TSPYL4: variants seen among roughly 807,000 people sequenced by gnomAD.
TSPYL4 encodes TSPY like 4.
TSPYL4 carries 22 observed loss-of-function variants against 24.2 expected under a neutral mutation model. That is an observed-to-expected ratio of 0.91 (90% CI 0.65 to 1.30). TSPYL4 has a LOEUF of 1.30. Ranked by LOEUF, TSPYL4 falls within the 50% of genes most tolerant of loss-of-function variation. TSPYL4 has a pLI of 0.00. For missense variants in TSPYL4, 569 were observed against 536.7 expected, an observed-to-expected ratio of 1.06 and a Z score of -0.60; for synonymous variants, 211 against 208.2, an observed-to-expected ratio of 1.01 and a Z score of -0.12.
Position 116,250,879 on chromosome 6 carries a change from A to C in TSPYL4, c.*1885T>G. ...TGGTGGATGGTCTTTATCACCACACATGATCATAACTAAGCCTTGACGGCA... is the reference window on the plus strand; with the variant it reads ...TGGTGGATGGTCTTTATCACCACACCTGATCATAACTAAGCCTTGACGGCA... On this transcript the variant is annotated 3_prime_UTR_variant, in exon 1 of 1. Transcript: ENST00000420283. 2 of 259,986 alleles carry C rather than the reference A, an allele frequency of 7.7e-6. No homozygotes were observed. The highest frequency in any genetic ancestry group is 1.4e-5 in the Non-Finnish European group (2 of 138,844). 16.1% of individuals were successfully genotyped at this position (259,986 alleles called of 1,614,324 possible).
rs1317152351 is a variant in TSPYL4 at position 116,252,200 on chromosome 6, C to A, written c.*564G>T. ...ATCAGATAACCAGTAGGGTGGATGG[C>A]ACAAGCCCAGGAAGGCAGCTGGGAT... On this transcript the variant is annotated 3_prime_UTR_variant, in exon 1 of 1. Coordinates refer to ENST00000420283, the MANE Select transcript of TSPYL4 (RefSeq NM_021648.5). The A allele has an allele frequency of 6.5e-6, 1 of 153,854 alleles. No homozygotes were observed. The highest frequency in any genetic ancestry group is 2.4e-5 in the African/African-American group (1 of 41,462). The allele number at this position is 153,854 out of a possible 1,614,324, so 9.5% of individuals were successfully genotyped here.
rs747429780 is a variant in TSPYL4 at position 116,252,746 on chromosome 6, C to A, written c.*18G>T. On this transcript the variant is annotated 3_prime_UTR_variant, in exon 1 of 1. Coordinates refer to ENST00000420283, the MANE Select transcript of TSPYL4 (RefSeq NM_021648.5). ...GGTGGTAAGGAAACTTGTGCAGAAGCTTCTCACAGGACAGAGATTAGCCAG... is the reference window on the plus strand; with the variant it reads ...GGTGGTAAGGAAACTTGTGCAGAAGATTCTCACAGGACAGAGATTAGCCAG... 4 of 1,557,370 alleles carry A rather than the reference C, an allele frequency of 2.6e-6. No individual in the cohort carries two copies. Among genetic ancestry groups the A allele is most frequent in the Admixed American group, 4.0e-5 (2 of 50,528 alleles).
In TSPYL4 at chr6:116,251,404, G is replaced by A. The variant is rs1417563737; in HGVS notation, c.*1360C>T. The stretch of plus-strand genomic sequence containing the variant: ...GTCAAAATCTGCCTAATTTAACACT[G>A]CCTATAACTAAACAATTAACCTATA... On this transcript the variant is annotated 3_prime_UTR_variant, in exon 1 of 1. Transcript: ENST00000420283. 7.6e-6 allele frequency: 3 copies of A among 395,590 alleles called. No homozygotes were observed. Among genetic ancestry groups the A allele is most frequent in the Non-Finnish European group, 1.3e-5 (3 of 224,758 alleles). The allele number at this position is 395,590 out of a possible 1,614,324, so 24.5% of individuals were successfully genotyped here. A position where few individuals can be genotyped will look rare whatever the true frequency, so the allele number is the denominator to read the frequency against.
At position 116,253,547 on chromosome 6, in the gene TSPYL4, AGTC is replaced by A. The variant is rs1334685881; in HGVS notation, c.459_461del (p.Thr154del). 6.4e-7 allele frequency: 1 copy of A among 1,551,350 alleles called. No homozygotes were observed. Among genetic ancestry groups the A allele is most frequent in the Admixed American group, 2.0e-5 (1 of 50,978 alleles). ...CTGCTGCCGAGATGGCGCGTTTTTT[AGTC>A]GTCACTTCCTTGGCCTTCTTCCCCG... On this transcript the variant is annotated inframe_deletion, in exon 1 of 1. Coordinates refer to ENST00000420283, the MANE Select transcript of TSPYL4 (RefSeq NM_021648.5). The surrounding 1 kb of genome is among the most constrained non-coding windows in gnomAD (Gnocchi z 4.3).
Position 116,253,909 on chromosome 6 carries a change from G to A in TSPYL4, c.100C>T (p.Gln34Ter), listed in dbSNP as rs1479744858. ...ASGDPDRDQC[Q>*]GLREETEATQ... ...GCCTCGGTTTCTTCACGGAGCCCTTGGCACTGGTCTCGGTCCGGATCTCCT... is the reference window on the plus strand; with the variant it reads ...GCCTCGGTTTCTTCACGGAGCCCTTAGCACTGGTCTCGGTCCGGATCTCCT... The change falls in exon 1 of 1, where the codon CAA becomes TAA. Residue 34 changes from glutamine to a stop codon, truncating the protein, a stop_gained. Transcript: ENST00000420283. LOFTEE classifies it low-confidence loss of function (END_TRUNC). The surrounding 1 kb of genome is among the most constrained non-coding windows in gnomAD (Gnocchi z 4.3). 1.9e-6 allele frequency: 3 copies of A among 1,613,872 alleles called. No individual in the cohort carries two copies. The highest frequency in any genetic ancestry group is 4.5e-5 in the East Asian group (2 of 44,872).
Position 116,253,459 on chromosome 6 carries a change from T to G in TSPYL4, c.550A>C (p.Lys184Gln). The change falls in exon 1 of 1, where the codon AAG (lysine) becomes CAG (glutamine). Residue 184 changes from lysine to glutamine, a missense_variant. Transcript: ENST00000420283. This position sits in a 1 kb window ranked among gnomAD's most constrained non-coding sequence, Gnocchi z 4.3. Reference sequence around the variant, plus strand: ...TCCTCTTTCACCCCTCCTGCCACCTTTTTTTCCTTCTGCACTACCTTCTTT... The same window carrying G: ...TCCTCTTTCACCCCTCCTGCCACCTGTTTTTCCTTCTGCACTACCTTCTTT... ...EEKKVVQKEK[K>Q]VAGGVKEETR... The G allele has an allele frequency of 6.4e-7, 1 of 1,551,660 alleles. No individual in the cohort carries two copies. The highest frequency in any genetic ancestry group is 2.4e-5 in the East Asian group (1 of 40,902).
chr6:116,250,007 G>A lies in TSPYL4; in HGVS notation c.*2757C>T, dbSNP rs1418934307. 6.6e-6 allele frequency: 1 copy of A among 151,922 alleles called. No individual in the cohort carries two copies. The highest frequency in any genetic ancestry group is 1.5e-5 in the Non-Finnish European group (1 of 67,994). 9.4% of individuals were successfully genotyped at this position (151,922 alleles called of 1,614,324 possible). On this transcript the variant is annotated 3_prime_UTR_variant, in exon 1 of 1. Transcript: ENST00000420283. ...TTTTTTGATGAAAACAAGAAATACG[G>A]TAGTGACACTTTATTTTTCCTTCAA...
In TSPYL4 at chr6:116,251,403, T is replaced by C; in HGVS notation, c.*1361A>G. On this transcript the variant is annotated 3_prime_UTR_variant, in exon 1 of 1. Coordinates refer to ENST00000420283, the MANE Select transcript of TSPYL4 (RefSeq NM_021648.5). Reference sequence around the variant, plus strand: ...TGTCAAAATCTGCCTAATTTAACACTGCCTATAACTAAACAATTAACCTAT... The same window carrying C: ...TGTCAAAATCTGCCTAATTTAACACCGCCTATAACTAAACAATTAACCTAT... 1 of 395,850 alleles carries C rather than the reference T, an allele frequency of 2.5e-6. No individual in the cohort carries two copies. Among genetic ancestry groups the C allele is most frequent in the East Asian group, 3.6e-5 (1 of 27,962 alleles). The allele number at this position is 395,850 out of a possible 1,614,324, so 24.5% of individuals were successfully genotyped here.
rs750628997 is a variant in TSPYL4, at chr6:116,252,976, T to G, written c.1033A>C (p.Asn345His). Residue 345 changes from asparagine (N) to histidine (H), a missense_variant, in exon 1 of 1, where the codon AAC (asparagine) becomes CAC (histidine). Transcript: ENST00000420283. ...GQDPQAHIHR[N>H]REGNTIPSFF... ...CTAGGGATAGTGTTCCCTTCCCGGT[T>G]TCTGTGGATATGAGCCTGGGGGTCT... The G allele has an allele frequency of 6.2e-7, 1 of 1,614,150 alleles. No homozygotes were observed. The highest frequency in any genetic ancestry group is 1.7e-5 in the Admixed American group (1 of 60,020).
rs1442415924 is a variant in TSPYL4 at position 116,249,996 on chromosome 6, CAA to C, written c.*2766_*2767del. ...AATTATTTTTATTTTTTGATGAAAA[CAA>C]GAAATACGGTAGTGACACTTTATTT... On this transcript the variant is annotated 3_prime_UTR_variant, in exon 1 of 1. Transcript: ENST00000420283. The C allele has an allele frequency of 1.3e-5, 2 of 151,312 alleles. No homozygotes were observed. Among genetic ancestry groups the C allele is most frequent in the African/African-American group, 4.9e-5 (2 of 41,136 alleles). 9.4% of individuals were successfully genotyped at this position (151,312 alleles called of 1,614,324 possible). A position where few individuals can be genotyped will look rare whatever the true frequency, so the allele number is the denominator to read the frequency against.
In TSPYL4 at chr6:116,254,042, G is replaced by A. The variant is rs912693090; in HGVS notation, c.-34C>T. On this transcript the variant is annotated 5_prime_UTR_variant, in exon 1 of 1. Transcript: ENST00000420283. ...AAGTCAGACTAGTGGGAGAGGGAGA[G>A]TTCCTTGTCCTCCGCAGCGGCCGAG... 6.5e-7 allele frequency: 1 copy of A among 1,534,018 alleles called. No homozygotes were observed. Among genetic ancestry groups the A allele is most frequent in the African/African-American group, 1.4e-5 (1 of 72,258 alleles).
Position 116,253,617 on chromosome 6 carries a change from A to G in TSPYL4, c.392T>C (p.Leu131Pro). 6.4e-7 allele frequency: 1 copy of G among 1,553,404 alleles called. No individual in the cohort carries two copies. Among genetic ancestry groups the G allele is most frequent in the Non-Finnish European group, 8.7e-7 (1 of 1,147,632 alleles). Residue 131 changes from leucine to proline, a missense_variant, in exon 1 of 1, where the codon CTA (leucine) becomes CCA (proline). Leu to Pro is a moderately conservative substitution (Grantham distance 98). Transcript: ENST00000420283. This position sits in a 1 kb window ranked among gnomAD's most constrained non-coding sequence, Gnocchi z 4.3. Reference protein sequence around the residue: ...EPRGPAGQKALEACGAGGLGS... With the variant: ...EPRGPAGQKAPEACGAGGLGS... ...CAAGCCCCCTGCGCCACAGGCTTCT[A>G]GAGCCTTCTGCCCAGCAGGGCCACG...
At position 116,253,320 on chromosome 6, in the gene TSPYL4, C is replaced by G. The variant is rs1424718594; in HGVS notation, c.689G>C (p.Arg230Pro). The G allele has an allele frequency of 4.4e-6, 7 of 1,579,418 alleles. No homozygotes were observed. Among genetic ancestry groups the G allele is most frequent in the African/African-American group, 2.7e-5 (2 of 74,306 alleles). The change falls in exon 1 of 1, where the codon CGC becomes CCC. Residue 230 changes from arginine to proline, a missense_variant. Physicochemically the swap from Arg to Pro is moderately radical, Grantham distance 103 (BLOSUM62 -2). Transcript: ENST00000420283. This position sits in a 1 kb window ranked among gnomAD's most constrained non-coding sequence, Gnocchi z 4.3. ...QADRAFLQLE[R>P]KFGRMRRLHM... ...GAGCCTTCGCATGCGGCCAAACTTGCGCTCAAGCTGAAGGAAGGCCCTGTC... is the reference window on the plus strand; with the variant it reads ...GAGCCTTCGCATGCGGCCAAACTTGGGCTCAAGCTGAAGGAAGGCCCTGTC...
In TSPYL4 at chr6:116,253,638, C is replaced by T. The variant is rs1330111624; in HGVS notation, c.371G>A (p.Gly124Asp). The T allele has an allele frequency of 1.9e-6, 3 of 1,553,938 alleles. No homozygotes were observed. Among genetic ancestry groups the T allele is most frequent in the East Asian group, 2.4e-5 (1 of 41,270 alleles). Residue 124 changes from glycine to aspartate, a missense_variant, in exon 1 of 1, where the codon GGC becomes GAC. Physicochemically the swap from Gly to Asp is moderately conservative, Grantham distance 94. Coordinates refer to ENST00000420283, the MANE Select transcript of TSPYL4 (RefSeq NM_021648.5). This position sits in a 1 kb window ranked among gnomAD's most constrained non-coding sequence, Gnocchi z 4.3. ...KNGCQLGEPR[G>D]PAGQKALEAC... Reference sequence around the variant, plus strand: ...TTCTAGAGCCTTCTGCCCAGCAGGGCCACGGGGCTCTCCAAGCTGACAGCC... The same window carrying T: ...TTCTAGAGCCTTCTGCCCAGCAGGGTCACGGGGCTCTCCAAGCTGACAGCC...
Position 116,253,945 on chromosome 6 carries a change from C to A in TSPYL4, c.64G>T (p.Asp22Tyr). The change falls in exon 1 of 1, where the codon GAC becomes TAC. Residue 22 changes from aspartate to tyrosine, a missense_variant. Transcript: ENST00000420283. This position sits in a 1 kb window ranked among gnomAD's most constrained non-coding sequence, Gnocchi z 4.3. ...LAQTGGLAAP[D>Y]HASGDPDRDQ... ...CGGTCCGGATCTCCTGAGGCATGGT[C>A]GGGAGCAGCCAGGCCGCCGGTTTGG... 2.5e-6 allele frequency: 4 copies of A among 1,607,514 alleles called. No individual in the cohort carries two copies. The highest frequency in any genetic ancestry group is 2.5e-6 in the Non-Finnish European group (3 of 1,177,196).
rs1370852611 is a variant in TSPYL4, at chr6:116,250,161, CAG to C, written c.*2601_*2602del. On this transcript the variant is annotated 3_prime_UTR_variant, in exon 1 of 1. Coordinates refer to ENST00000420283, the MANE Select transcript of TSPYL4 (RefSeq NM_021648.5). ...GGGCAAGAAATATCAAGTAAGACAA[CAG>C]AGTCGTATTTTTCTTTTTGAGGTTA... The C allele has an allele frequency of 2.0e-5, 3 of 152,174 alleles. No individual in the cohort carries two copies. Among genetic ancestry groups the C allele is most frequent in the Non-Finnish European group, 2.9e-5 (2 of 68,006 alleles). 9.4% of individuals were successfully genotyped at this position (152,174 alleles called of 1,614,324 possible). A position where few individuals can be genotyped will look rare whatever the true frequency, so the allele number is the denominator to read the frequency against.
chr6:116,253,320 C>T lies in TSPYL4; in HGVS notation c.689G>A (p.Arg230His). 6.3e-7 allele frequency: 1 copy of T among 1,579,416 alleles called. No homozygotes were observed. Among genetic ancestry groups the T allele is most frequent in the Non-Finnish European group, 8.6e-7 (1 of 1,162,012 alleles). ...GAGCCTTCGCATGCGGCCAAACTTG[C>T]GCTCAAGCTGAAGGAAGGCCCTGTC... ...QADRAFLQLE[R>H]KFGRMRRLHM... is the part of the protein sequence containing the mutation. Residue 230 changes from arginine to histidine, a missense_variant, in exon 1 of 1, where the codon CGC (arginine) becomes CAC (histidine). Transcript: ENST00000420283. This position sits in a 1 kb window ranked among gnomAD's most constrained non-coding sequence, Gnocchi z 4.3.
Position 116,253,895 on chromosome 6 carries a change from T to A in TSPYL4, c.114A>T (p.Glu38Asp). 6.2e-7 allele frequency: 1 copy of A among 1,613,912 alleles called. No individual in the cohort carries two copies. The stretch of plus-strand genomic sequence containing the variant: ...CCATCACCTGTGTCGCCTCGGTTTC[T>A]TCACGGAGCCCTTGGCACTGGTCTC... Reference protein sequence around the residue: ...PDRDQCQGLREETEATQVMAN... With the variant: ...PDRDQCQGLRDETEATQVMAN... The change falls in exon 1 of 1, where the codon GAA becomes GAT. Residue 38 changes from glutamate (E) to aspartate (D), a missense_variant. By Grantham distance (45) the Glu-to-Asp change is conservative. Transcript: ENST00000420283. This position sits in a 1 kb window ranked among gnomAD's most constrained non-coding sequence, Gnocchi z 4.3.
At position 116,252,654 on chromosome 6, in the gene TSPYL4, AT is replaced by A; in HGVS notation, c.*109del. On this transcript the variant is annotated 3_prime_UTR_variant, in exon 1 of 1. Coordinates refer to ENST00000420283, the MANE Select transcript of TSPYL4 (RefSeq NM_021648.5). Reference sequence around the variant, plus strand: ...AGATTTAGAACCAAAGGAAAAGATAATCCACAGTATGAAGAGAAAGCAGATG... The same window carrying A: ...AGATTTAGAACCAAAGGAAAAGATAACCACAGTATGAAGAGAAAGCAGATG... 7.7e-7 allele frequency: 1 copy of A among 1,303,000 alleles called. No homozygotes were observed. Among genetic ancestry groups the A allele is most frequent in the East Asian group, 2.5e-5 (1 of 39,316 alleles). 80.7% of individuals were successfully genotyped at this position (1,303,000 alleles called of 1,614,324 possible).
Sources: gnomAD v4.1 joint callset for allele counts on GRCh38, gnomAD v4.1.1 for gene constraint, Gnocchi (gnomAD v3.1) non-coding constraint, MANE v1.5 for transcripts, NCBI Gene and HGNC (gene_info 2026-07-23, HGNC 2026-07-21) for gene names.